The following UGT1A8 variants were observed in gnomAD, a reference collection of about 807,000 sequenced individuals.
UGT1A8 encodes the protein UDP glucuronosyltransferase family 1 member A8.
UGT1A8 carries 39 observed loss-of-function variants against 45.3 expected under a neutral mutation model. The observed-to-expected ratio is 0.86, with a 90% CI of 0.67 to 1.12. UGT1A8 has a LOEUF of 1.12. Ranked by LOEUF, UGT1A8 falls within the 50% of genes most tolerant of loss-of-function variation. UGT1A8 has a pLI of 0.00. For synonymous variants in UGT1A8, 275 were observed against 249.2 expected (o/e 1.10, Z -0.97); for missense variants, 719 against 664.9 (o/e 1.08, Z -0.90).
intron 1 of UGT1A8, among the ~76,000 whole-genome samples, chr2:233,720,190 G>A (rs1402744128): frequency 1.3e-5 from 2 of 152,210 alleles, no homozygotes; most frequent in Non-Finnish European, 2.9e-5. Context: ...TTGAGTGGAA[G>A]TGGGGCTGTG....
chr2:233,622,994 A>T (rs1308361625), intron 1 of UGT1A8, among the ~76,000 whole-genome samples: 3 of 152,138 alleles, frequency 2.0e-5, no homozygotes, highest in African/African-American at 7.2e-5. Flanking sequence ...TATTTTCCCC[A>T]TTTCTTGTTT....
In UGT1A8 at chr2:233,636,814, T is replaced by C. The variant is rs781226714; in HGVS notation, c.855+18252T>C. On this transcript the variant is annotated intron_variant, in intron 1 of 4. Transcript: ENST00000373450. The stretch of plus-strand genomic sequence containing the variant: ...ATTCATGGTTTTCGCCCATGCTCAA[T>C]GGAAAGCACAGGCACAAAGTATATT... 77 of 1,614,126 alleles carry C rather than the reference T, an allele frequency of 4.8e-5. No individual in the cohort carries two copies. Among genetic ancestry groups the C allele is most frequent in the Non-Finnish European group, 6.2e-5 (73 of 1,180,052 alleles).
At chr2:233,623,505 T>G (rs1321357034) in intron 1 of UGT1A8, among the ~76,000 whole-genome samples, 1 of 151,984 alleles carries the variant, frequency 6.6e-6, no homozygotes, top group African/African-American at 2.4e-5. Context: ...TGCCATCTAG[T>G]CATTTTAAAA....
At chr2:233,632,409 T>C (rs988146755) in intron 1 of UGT1A8, among the ~76,000 whole-genome samples, 8 of 152,210 alleles carry the variant, frequency 5.3e-5, no homozygotes, top group Non-Finnish European at 1.2e-4. Flanking sequence ...GCATTCAATC[T>C]ATAAATTACC....
chr2:233,688,981 C>T (rs879842789), intron 1 of UGT1A8, among the ~76,000 whole-genome samples: 2 of 152,190 alleles, frequency 1.3e-5, no homozygotes, highest in African/African-American at 2.4e-5. Flanking sequence ...TCTTTCCCTT[C>T]ATCCCTATGT....
chr2:233,664,513 G>A (rs1477231301), intron 1 of UGT1A8, among the ~76,000 whole-genome samples: 9 of 152,294 alleles, frequency 5.9e-5, no homozygotes, highest in East Asian at 1.9e-4. Context: ...CAAGCATGGC[G>A]CTGCCATCTG....
chr2:233,768,607 G>A (rs1227150844), intron 4 of UGT1A8, among the ~76,000 whole-genome samples, 168 bp downstream of exon 4: 1 of 99,376 alleles, frequency 1.0e-5, no homozygotes, highest in South Asian at 3.4e-4. Context: ...TTTTTTTTGA[G>A]ATGGAGTCTT....
chr2:233,735,071 T>C (rs1186471486), intron 1 of UGT1A8, among the ~76,000 whole-genome samples: 1 of 152,214 alleles, frequency 6.6e-6, no homozygotes, highest in Non-Finnish European at 1.5e-5. Flanking sequence ...GATATCCTTG[T>C]TAACCTTTGG....
At chr2:233,638,687 C>T (rs2073369948) in intron 1 of UGT1A8, among the ~76,000 whole-genome samples, 1 of 152,100 alleles carries the variant, frequency 6.6e-6, no homozygotes, top group South Asian at 2.1e-4. Flanking sequence ...GTGGAGTACA[C>T]ATTTTTATGT....
intron 1 of UGT1A8, among the ~76,000 whole-genome samples, chr2:233,681,530 CAAAAAAAAA>C (rs747693860): frequency 3.9e-5 from 3 of 77,724 alleles, no homozygotes; most frequent in South Asian, 4.9e-4. Flanking sequence ...GACTCCATCT[CAAAAAAAAA>C]AAAAAAAAAA....
chr2:233,630,079 G>A (rs952778554), intron 1 of UGT1A8, among the ~76,000 whole-genome samples: 1 of 151,354 alleles, frequency 6.6e-6, no homozygotes, highest in African/African-American at 2.4e-5. Context: ...ATCAGCTTTG[G>A]TTTCATTAAT....
In UGT1A8 at chr2:233,636,921, A is replaced by C. The variant is rs1444576027; in HGVS notation, c.855+18359A>C. On this transcript the variant is annotated intron_variant, in intron 1 of 4. Coordinates refer to ENST00000373450, the MANE Select transcript of UGT1A8 (RefSeq NM_019076.5). ...GGAGTTTGTTTAATGACCGAAAATT[A>C]GTAGAATACTTAAAGGAGAGTTCTT... The C allele has an allele frequency of 1.9e-6, 3 of 1,614,166 alleles. No individual in the cohort carries two copies. In the South Asian group the frequency reaches 3.3e-5, roughly 18 times the overall value.
intron 1 of UGT1A8, among the ~76,000 whole-genome samples, chr2:233,726,600 T>TACCCAG (rs1249219153): frequency 1.2e-4 from 18 of 152,200 alleles, no homozygotes; most frequent in African/African-American, 4.3e-4. Flanking sequence ...GCCCTTGTGA[T>TACCCAG]TACACTGTCC....
intron 1 of UGT1A8, among the ~76,000 whole-genome samples, chr2:233,704,635 T>C (rs1010635700): frequency 6.6e-6 from 1 of 152,114 alleles, no homozygotes. Context: ...ATATTAACCT[T>C]TTTGCTTATC....
At chr2:233,671,776 GT>G in intron 1 of UGT1A8, 1 of 1,390,784 alleles carries the variant, frequency 7.2e-7, no homozygotes, top group African/African-American at 1.5e-5. Flanking sequence ...ATATATTCTT[GT>G]TCTTTTGGGT....
At position 233,636,963 on chromosome 2, in the gene UGT1A8, G is replaced by T. The variant is rs766629881; in HGVS notation, c.855+18401G>T. 7 of 1,614,010 alleles carry T rather than the reference G, an allele frequency of 4.3e-6. No homozygotes were observed. In the Admixed American group the frequency reaches 6.7e-5, roughly 15 times the overall value. On this transcript the variant is annotated intron_variant, in intron 1 of 4. Transcript: ENST00000373450. Reference sequence around the variant, plus strand: ...AGAGTTCTTTTGATGCAGTGTTTCTGGATCCTTTTGATACCTGTGGCTTAA... The same window carrying T: ...AGAGTTCTTTTGATGCAGTGTTTCTTGATCCTTTTGATACCTGTGGCTTAA...
chr2:233,699,013 G>A (rs541492586), intron 1 of UGT1A8, among the ~76,000 whole-genome samples: 2 of 152,354 alleles, frequency 1.3e-5, no homozygotes, highest in South Asian at 4.1e-4. Flanking sequence ...GAACATGAGA[G>A]GCTGAGCCAC....
At position 233,618,509 on chromosome 2, in the gene UGT1A8, A is replaced by G; in HGVS notation, c.802A>G (p.Asn268Asp). ...GGACTATCCCAAACCCGTGATGCCC[A>G]ATATGATCTTCATTGGTGGTATCAA... is the stretch of plus-strand genomic sequence containing the variant. ...VLDYPKPVMP[N>D]MIFIGGINCH... The change falls in exon 1 of 5, where the codon AAT becomes GAT. Residue 268 changes from asparagine (N) to aspartate (D), a missense_variant. By Grantham distance (23) the Asn-to-Asp change is conservative. Transcript: ENST00000373450. The G allele has an allele frequency of 6.2e-7, 1 of 1,613,910 alleles. No individual in the cohort carries two copies. Among genetic ancestry groups the G allele is most frequent in the Non-Finnish European group, 8.5e-7 (1 of 1,179,810 alleles).
chr2:233,649,879 T>G (rs1449292900), intron 1 of UGT1A8, among the ~76,000 whole-genome samples: 1 of 152,206 alleles, frequency 6.6e-6, no homozygotes, highest in African/African-American at 2.4e-5. Context: ...TGGTAGCCAT[T>G]GCTTTGCTTG....
Sources: gnomAD v4.1 joint callset for allele counts (sites outside exome capture counted in the v4.1 genomes callset) on GRCh38, gnomAD v4.1.1 for gene constraint, MANE v1.5 for transcripts, NCBI Gene and HGNC (gene_info 2026-07-23, HGNC 2026-07-21) for gene names.